The following SLC35F4 variants were observed in gnomAD, a reference collection of about 807,000 sequenced individuals.
SLC35F4 encodes chromosome 14 open reading frame 36.
In SLC35F4, 24 loss-of-function variants were observed where a neutral mutation model predicts 44.2. The observed-to-expected ratio is 0.54, with a 90% confidence interval of 0.39 to 0.76. SLC35F4 has a LOEUF of 0.76. SLC35F4 is among the 30% of genes least tolerant of loss of function. The pLI, the probability that SLC35F4 is intolerant of heterozygous loss-of-function variation, is 0.00. For missense variants in SLC35F4, 562 were observed against 586.1 expected (o/e 0.96, Z 0.42); for synonymous variants, 238 against 223.6 (o/e 1.06, Z -0.57).
At chr14:57,878,651 A>G (rs893781284) in intron 1 of SLC35F4, among the ~76,000 whole-genome samples, 1 of 152,090 alleles carries the variant, frequency 6.6e-6, no homozygotes, top group African/African-American at 2.4e-5. Flanking sequence ...ATCTCAACCA[A>G]GAAGCTGCTT....
chr14:57,687,727 C>T (rs1295373229), intron 1 of SLC35F4, among the ~76,000 whole-genome samples: 1 of 152,164 alleles, frequency 6.6e-6, no homozygotes, highest in Non-Finnish European at 1.5e-5. Context: ...TGTGGTTTAC[C>T]TCCTTTACTG....
At chr14:57,648,367 T>C (rs76194173) in intron 1 of SLC35F4, among the ~76,000 whole-genome samples, 27,445 of 152,156 alleles carry the variant, frequency 0.18, 2,536 homozygotes, top group South Asian at 0.26. Context: ...AAAAGAGATA[T>C]AGCTACTAAC....
At chr14:57,773,172 C>G (rs116888382) in intron 1 of SLC35F4, among the ~76,000 whole-genome samples, 213 of 152,258 alleles carry the variant, frequency 1.4e-3, no homozygotes, top group Admixed American at 3.3e-3. Context: ...TTTTGCCCAG[C>G]TTTTAATGGG....
At chr14:57,929,327 C>T (rs142949848) in intron 1 of SLC35F4, among the ~76,000 whole-genome samples, 1,856 of 152,134 alleles carry the variant, frequency 0.012, 20 homozygotes, top group Middle Eastern at 0.058. Flanking sequence ...TTAAATACGG[C>T]ATTTAAACAT....
chr14:57,951,425 C>T (rs1248813153), intron 1 of SLC35F4, among the ~76,000 whole-genome samples: 8 of 152,056 alleles, frequency 5.3e-5, no homozygotes, highest in Non-Finnish European at 7.4e-5. Context: ...GAAATGCCAG[C>T]GAGACAGAAC....
intron 1 of SLC35F4, among the ~76,000 whole-genome samples, chr14:57,605,913 G>A (rs2071135578): frequency 6.6e-6 from 1 of 152,164 alleles, no homozygotes; most frequent in Non-Finnish European, 1.5e-5. Flanking sequence ...TAAACATTGT[G>A]TAGACATGGT....
chr14:57,877,171 T>G (rs1405691679), intron 1 of SLC35F4, among the ~76,000 whole-genome samples: 2 of 152,166 alleles, frequency 1.3e-5, no homozygotes, highest in African/African-American at 4.8e-5. Context: ...CCGTCCACTC[T>G]CAAGCAGGCT....
chr14:57,877,299 A>T (rs1387437732), intron 1 of SLC35F4, among the ~76,000 whole-genome samples: 1 of 152,184 alleles, frequency 6.6e-6, no homozygotes, highest in African/African-American at 2.4e-5. Context: ...TTAGGGTAAT[A>T]GCCTCCATCC....
At chr14:57,979,701 C>T (rs568797424) in intron 1 of SLC35F4, among the ~76,000 whole-genome samples, 2 of 152,344 alleles carry the variant, frequency 1.3e-5, no homozygotes, top group African/African-American at 4.8e-5. Context: ...TGCTAAGATG[C>T]ACTTCCCAAG....
chr14:57,660,611 G>A lies in SLC35F4; in HGVS notation c.104-66487C>T, dbSNP rs1008130571. ...TCTGCATGATCAATAAAATACAGCA[G>A]AAATGATGGCATGGCACTTTTGAGA... On this transcript the variant is annotated intron_variant, in intron 1 of 7. Coordinates refer to ENST00000556826, the MANE Select transcript of SLC35F4 (RefSeq NM_001306087.2). 5.3e-5 allele frequency among the ~76,000 whole-genome samples: 8 copies of A among 151,768 alleles called. No homozygotes were observed. The East Asian group carries it at 5.9e-4, about 11-fold the overall frequency.
intron 1 of SLC35F4, among the ~76,000 whole-genome samples, chr14:57,900,672 T>A (rs1307963920): frequency 6.6e-6 from 1 of 152,072 alleles, no homozygotes; most frequent in Non-Finnish European, 1.5e-5. Context: ...AAGCAAAAAT[T>A]GACAAATAGG....
At chr14:57,971,285 A>T (rs1423048142) in intron 1 of SLC35F4, among the ~76,000 whole-genome samples, 2 of 152,204 alleles carry the variant, frequency 1.3e-5, no homozygotes, top group East Asian at 3.9e-4. Context: ...TAAACTATAA[A>T]TTTACTTGGC....
chr14:57,676,804 A>C (rs1056875064), intron 1 of SLC35F4, among the ~76,000 whole-genome samples: 1 of 152,126 alleles, frequency 6.6e-6, no homozygotes, highest in East Asian at 1.9e-4. Flanking sequence ...ACACTTTTAC[A>C]CTGCTGGTGG....
At chr14:57,790,594 C>T (rs2140800784) in intron 1 of SLC35F4, among the ~76,000 whole-genome samples, 1 of 152,260 alleles carries the variant, frequency 6.6e-6, no homozygotes, top group Middle Eastern at 3.4e-3. Flanking sequence ...CTCTTCTCAT[C>T]AAGCTACCAT....
intron 1 of SLC35F4, among the ~76,000 whole-genome samples, chr14:57,718,908 CTTTTG>C (rs2076010440): frequency 6.6e-6 from 1 of 151,998 alleles, no homozygotes; most frequent in African/African-American, 2.4e-5. Context: ...ACTTAGGAAA[CTTTTG>C]CCCAATATCT....
At chr14:57,816,084 C>T (rs1008565937) in intron 1 of SLC35F4, among the ~76,000 whole-genome samples, 22 of 152,154 alleles carry the variant, frequency 1.4e-4, no homozygotes, top group African/African-American at 5.3e-4. Context: ...TCTTTCAAGA[C>T]ACATTTTATA....
chr14:57,813,954 A>G (rs185843099), intron 1 of SLC35F4, among the ~76,000 whole-genome samples: 1 of 152,322 alleles, frequency 6.6e-6, no homozygotes. Context: ...AGGGTCTAGA[A>G]GTCTAGCATT....
chr14:57,571,873 A>G (rs1295959357), intron 5 of SLC35F4, 21 bp downstream of exon 5: 1 of 1,600,150 alleles, frequency 6.2e-7, no homozygotes, highest in Admixed American at 1.7e-5. Flanking sequence ...AGTTGCTTAC[A>G]AAAGAAAGTG....
chr14:57,959,679 A>G (rs1890306293), intron 1 of SLC35F4, among the ~76,000 whole-genome samples: 1 of 152,174 alleles, frequency 6.6e-6, no homozygotes, highest in Non-Finnish European at 1.5e-5. Flanking sequence ...GACCTTAGAC[A>G]AGTGATTTAT....
Sources: allele counts gnomAD v4.1 joint callset (sites outside exome capture counted in the v4.1 genomes callset), GRCh38; gene constraint gnomAD v4.1.1; transcripts MANE v1.5; gene names NCBI Gene and HGNC (gene_info 2026-07-23, HGNC 2026-07-21).